The following PPIL3 variants were observed in gnomAD, a reference collection of about 807,000 sequenced individuals.
PPIL3 encodes peptidyl-prolyl cis-trans isomerase-like 3.
Under a neutral mutation model 20.9 loss-of-function variants are expected in PPIL3, and 13 were observed. That is an observed-to-expected ratio of 0.62 (90% CI 0.40 to 0.99). PPIL3 has a LOEUF of 0.99. PPIL3 is among the 50% of genes least tolerant of loss of function. The probability of loss-of-function intolerance (pLI) is 0.00; values close to 1 mark genes in which losing one functional copy is unlikely to be tolerated. For missense variants in PPIL3, 170 were observed against 195.2 expected, an observed-to-expected ratio of 0.87 and a Z score of 0.77; for synonymous variants, 71 against 64.4, an observed-to-expected ratio of 1.10 and a Z score of -0.49.
intron 6 of PPIL3, among the ~76,000 whole-genome samples, chr2:200,875,852 G>C (rs2039491666): frequency 6.6e-6 from 1 of 152,092 alleles, no homozygotes; most frequent in Non-Finnish European, 1.5e-5. Context: ...GGGATTACAG[G>C]CCTGGGAAAG....
chr2:200,882,865 A>G (rs1280582876), intron 3 of PPIL3, among the ~76,000 whole-genome samples: 2 of 148,432 alleles, frequency 1.3e-5, no homozygotes, highest in East Asian at 3.9e-4. Flanking sequence ...GCACCACTGC[A>G]CTCCAGCCCG....
chr2:200,881,322 T>G (rs1257852070), intron 5 of PPIL3, 99 bp downstream of exon 5: 1 of 852,130 alleles, frequency 1.2e-6, no homozygotes, highest in Non-Finnish European at 1.8e-6. Flanking sequence ...TATGTTCATT[T>G]TGCAATGATG....
intron 3 of PPIL3, among the ~76,000 whole-genome samples, chr2:200,884,736 T>C (rs2039865641): frequency 2.0e-5 from 3 of 150,160 alleles, no homozygotes; most frequent in Admixed American, 6.6e-5. Flanking sequence ...CAAGACCCTG[T>C]CTCAAAAAAA....
intron 6 of PPIL3, among the ~76,000 whole-genome samples, chr2:200,874,029 C>G (rs977967495): frequency 6.6e-6 from 1 of 150,930 alleles, no homozygotes; most frequent in African/African-American, 2.4e-5. Context: ...CATGGTGAAA[C>G]CCCGTCTCTA....
chr2:200,877,848 A>C (rs969552790), intron 5 of PPIL3, among the ~76,000 whole-genome samples: 3 of 152,242 alleles, frequency 2.0e-5, no homozygotes, highest in African/African-American at 7.2e-5. Flanking sequence ...CCCAGGACTG[A>C]ACGATCTAAG....
chr2:200,888,732 G>C (rs1428413651), intron 1 of PPIL3, among the ~76,000 whole-genome samples: 2 of 151,974 alleles, frequency 1.3e-5, no homozygotes, highest in Non-Finnish European at 2.9e-5. Flanking sequence ...CGCCGTGTTG[G>C]CCAGGCTGGT....
chr2:200,871,820 T>C (rs1360720481), intron 6 of PPIL3, among the ~76,000 whole-genome samples: 3 of 152,232 alleles, frequency 2.0e-5, no homozygotes, highest in Non-Finnish European at 2.9e-5. Flanking sequence ...ATGGGACTAA[T>C]ATAACCAGTT....
At chr2:200,873,331 A>T (rs2039382442) in intron 6 of PPIL3, among the ~76,000 whole-genome samples, 1 of 151,874 alleles carries the variant, frequency 6.6e-6, no homozygotes, top group African/African-American at 2.4e-5. Context: ...CTGGGACTAC[A>T]GGCACATGCC....
intron 5 of PPIL3, among the ~76,000 whole-genome samples, chr2:200,879,384 G>A (rs1421305409): frequency 1.3e-5 from 2 of 152,172 alleles, no homozygotes; most frequent in South Asian, 2.1e-4. Flanking sequence ...CTCCCAAAGT[G>A]CTGGGATTAC....
chr2:200,876,667 G>T (rs1288922537), intron 6 of PPIL3, among the ~76,000 whole-genome samples: 1 of 151,952 alleles, frequency 6.6e-6, no homozygotes, highest in Non-Finnish European at 1.5e-5. Context: ...ACAGGTGTGT[G>T]CCACCACATC....
chr2:200,881,470 T>C lies in PPIL3; in HGVS notation c.191A>G (p.Asn64Ser), dbSNP rs1428596717. The change falls in exon 5 of 7, where the codon AAC (asparagine) becomes AGC (serine). Residue 64 changes from asparagine (N) to serine (S), a missense_variant. Asn to Ser is a conservative substitution (Grantham distance 46, BLOSUM62 1). Coordinates refer to ENST00000392283, the MANE Select transcript of PPIL3 (RefSeq NM_130906.3). Reference protein sequence around the residue: ...GDPTGTGRGGNSIWGKKFEDE... With the variant: ...GDPTGTGRGGSSIWGKKFEDE... ...CTCAAACTTCTTGCCCCAAATACTGTTGCCTCCTCTTCCAGTTCCTACATT... is the reference window on the plus strand; with the variant it reads ...CTCAAACTTCTTGCCCCAAATACTGCTGCCTCCTCTTCCAGTTCCTACATT... 4.2e-5 allele frequency: 67 copies of C among 1,613,110 alleles called. No individual in the cohort carries two copies. Among genetic ancestry groups the C allele is most frequent in the Non-Finnish European group, 5.5e-5 (65 of 1,179,572 alleles).
intron 5 of PPIL3, among the ~76,000 whole-genome samples, chr2:200,880,409 C>CTTTTTTTTTTTTTTTTTTTTTTTTTTT (rs779189285): frequency 7.6e-6 from 1 of 131,888 alleles, no homozygotes. Context: ...ATTGAGTAGA[C>CTTTTTTTTTTTTTTTTTTTTTTTTTTT]TTTTTTTTTT....
chr2:200,876,070 C>A (rs1376259957), intron 6 of PPIL3, among the ~76,000 whole-genome samples: 1 of 151,660 alleles, frequency 6.6e-6, no homozygotes, highest in African/African-American at 2.4e-5. Flanking sequence ...CTGTGAAATG[C>A]TATCATTAAT....
At chr2:200,885,903 AC>A (rs2039921201) in intron 2 of PPIL3, 131 bp from the exon 3 acceptor site, 3 of 558,810 alleles carry the variant, frequency 5.4e-6, no homozygotes, top group Non-Finnish European at 9.3e-6. Context: ...TTCAGAGATG[AC>A]CCATCCACAA....
chr2:200,889,277 T>C (rs953301358), upstream of PPIL3: 3 of 314,812 alleles, frequency 9.5e-6, no homozygotes, highest in African/African-American at 6.5e-5. Flanking sequence ...TACACTCGGC[T>C]GCCAAACGGA....
chr2:200,888,872 T>C (rs1017401702), intron 1 of PPIL3, 84 bp downstream of exon 1: 1 of 464,972 alleles, frequency 2.2e-6, no homozygotes, highest in African/African-American at 2.0e-5. Context: ...ACTCGCAGTA[T>C]CCCAAGAACT....
At chr2:200,883,658 G>T (rs2039820923) in intron 3 of PPIL3, among the ~76,000 whole-genome samples, 1 of 151,934 alleles carries the variant, frequency 6.6e-6, no homozygotes, top group South Asian at 2.1e-4. Context: ...TTCCTGCCCT[G>T]CTTATTTTTA....
rs1184877560 is a variant in PPIL3 at position 200,886,717 on chromosome 2, C to T, written c.3+896G>A. Among the ~76,000 whole-genome samples, 27 of 152,160 alleles carry T rather than the reference C, an allele frequency of 1.8e-4. 1 individual carries two copies. The highest frequency in any genetic ancestry group is 1.6e-3 in the Admixed American group (24 of 15,276). On this transcript the variant is annotated intron_variant, in intron 2 of 6. Transcript: ENST00000392283. ...CCGAGATTACAGGCGTGAGCCACCG[C>T]GCCTGGCCTAGCAGTTAGAGAGTAT...
At chr2:200,882,817 G>A (rs1461003815) in intron 3 of PPIL3, among the ~76,000 whole-genome samples, 3 of 151,120 alleles carry the variant, frequency 2.0e-5, no homozygotes, top group Middle Eastern at 3.2e-3. Flanking sequence ...GGAGAATGGC[G>A]TGAACTTGGG....
Sources: gnomAD v4.1 joint callset for allele counts (sites outside exome capture counted in the v4.1 genomes callset) on GRCh38, gnomAD v4.1.1 for gene constraint, MANE v1.5 for transcripts, NCBI Gene and HGNC (gene_info 2026-07-23, HGNC 2026-07-21) for gene names.